Variants in CSMD1 observed in about 807,000 individuals in gnomAD.
CSMD1 encodes CUB and Sushi multiple domains 1.
In CSMD1, 213 loss-of-function variants were observed where a neutral mutation model predicts 417.5. That is an observed-to-expected ratio of 0.51 (90% CI 0.46 to 0.57). The LOEUF is 0.57. Among genes scored for constraint, CSMD1 ranks in the 20% least tolerant of loss-of-function variants. The pLI is 0.00. For synonymous variants in CSMD1, 2,862 were observed against 1,736.8 expected, an observed-to-expected ratio of 1.65 and a Z score of -16.11; for missense variants, 6,923 against 4,529.7, an observed-to-expected ratio of 1.53 and a Z score of -15.17.
intron 1 of CSMD1, among the ~76,000 whole-genome samples, chr8:4,933,894 G>C (rs1158090754): frequency 6.6e-6 from 1 of 152,068 alleles, no homozygotes; most frequent in Non-Finnish European, 1.5e-5. Flanking sequence ...ATTTCAAGTA[G>C]GGTTTTCATT....
chr8:3,242,125 T>C (rs1799576104), intron 26 of CSMD1, among the ~76,000 whole-genome samples: 2 of 151,368 alleles, frequency 1.3e-5, no homozygotes, highest in African/African-American at 2.4e-5. Context: ...TGACTATGCC[T>C]TTAGCTCCAG....
chr8:4,168,073 G>A (rs1006873884), intron 3 of CSMD1, among the ~76,000 whole-genome samples: 1 of 151,614 alleles, frequency 6.6e-6, no homozygotes, highest in Non-Finnish European at 1.5e-5. Context: ...AAGTTGTAGG[G>A]AGCTGAAATC....
intron 5 of CSMD1, among the ~76,000 whole-genome samples, chr8:3,810,554 G>A (rs1009329201): frequency 3.9e-5 from 6 of 152,138 alleles, no homozygotes; most frequent in East Asian, 1.9e-4. Flanking sequence ...GTAATCAACC[G>A]AGGGTCAGTC....
rs1007448613 is a variant in CSMD1 at position 4,939,988 on chromosome 8, G to A, written c.85+54344C>T. Among the ~76,000 whole-genome samples, 11 of 152,234 alleles carry A rather than the reference G, an allele frequency of 7.2e-5. No individual in the cohort carries two copies. The South Asian group carries it at 2.1e-3, about 29-fold the overall frequency. On this transcript the variant is annotated intron_variant, in intron 1 of 69. Transcript: ENST00000635120. ...GAAAACTTGAAAAATCTTCAGAGTA[G>A]GGTTATTGGGAAGATTGGGAAAACT... is the stretch of plus-strand genomic sequence containing the variant.
At chr8:3,128,796 A>C (rs1241833780) in intron 41 of CSMD1, 1 of 431,100 alleles carries the variant, frequency 2.3e-6, no homozygotes, top group East Asian at 7.0e-5. Flanking sequence ...TGTTGTTTCG[A>C]GTTTTTGTTT....
intron 5 of CSMD1, among the ~76,000 whole-genome samples, chr8:3,856,598 T>A (rs1454933380): frequency 6.6e-6 from 1 of 152,150 alleles, no homozygotes; most frequent in Non-Finnish European, 1.5e-5. Context: ...TAATTTGCCA[T>A]ATTTTATAGT....
chr8:4,185,753 T>G (rs181710750), intron 3 of CSMD1, among the ~76,000 whole-genome samples: 1 of 152,234 alleles, frequency 6.6e-6, no homozygotes, highest in African/African-American at 2.4e-5. Context: ...GCTATCATTT[T>G]GAGATAAAAT....
At chr8:4,484,970 G>C (rs1159020871) in intron 2 of CSMD1, among the ~76,000 whole-genome samples, 6 of 86,422 alleles carry the variant, frequency 6.9e-5, no homozygotes, top group African/African-American at 9.4e-5. Flanking sequence ...GACAGAGTGA[G>C]ACTCTGCCTC....
chr8:3,961,530 C>T (rs572635906), intron 5 of CSMD1, among the ~76,000 whole-genome samples: 16 of 151,576 alleles, frequency 1.1e-4, no homozygotes, highest in Non-Finnish European at 1.9e-4. Flanking sequence ...TTTGTGAAGA[C>T]AATAGGAAAT....
intron 1 of CSMD1, among the ~76,000 whole-genome samples, chr8:4,783,226 G>T (rs970758975): frequency 6.6e-6 from 1 of 152,166 alleles, no homozygotes; most frequent in Admixed American, 6.5e-5. Context: ...TGTATTTCGT[G>T]AAACATATCA....
At chr8:4,271,507 CAGG>C (rs919578612) in intron 3 of CSMD1, among the ~76,000 whole-genome samples, 13 of 151,616 alleles carry the variant, frequency 8.6e-5, no homozygotes, top group African/African-American at 1.7e-4. Flanking sequence ...GCATCAAAAT[CAGG>C]AGATCTAAAA....
At chr8:4,388,321 G>GACACACACACACACACACACAC (rs71205453) in intron 3 of CSMD1, among the ~76,000 whole-genome samples, 1 of 95,554 alleles carries the variant, frequency 1.0e-5, no homozygotes, top group Admixed American at 1.1e-4. Context: ...CACACACACA[G>GACACACACACACACACACACAC]ACACACACAC....
intron 6 of CSMD1, among the ~76,000 whole-genome samples, chr8:3,732,218 A>T (rs1160483575): frequency 6.6e-6 from 1 of 152,206 alleles, no homozygotes; most frequent in Non-Finnish European, 1.5e-5. Context: ...CTATCAATTT[A>T]GCAGTTTCGC....
chr8:3,268,189 A>G (rs1283356542), intron 26 of CSMD1, among the ~76,000 whole-genome samples: 1 of 151,318 alleles, frequency 6.6e-6, no homozygotes, highest in East Asian at 2.0e-4. Context: ...ATCGAATGGT[A>G]AGTTTGTTGC....
intron 3 of CSMD1, among the ~76,000 whole-genome samples, chr8:4,092,071 C>G (rs1365089148): frequency 6.6e-6 from 1 of 152,108 alleles, no homozygotes; most frequent in Non-Finnish European, 1.5e-5. Flanking sequence ...GCTAGCACTA[C>G]TTAGAAGCTT....
At chr8:4,205,497 G>C (rs145751239) in intron 3 of CSMD1, among the ~76,000 whole-genome samples, 1 of 152,054 alleles carries the variant, frequency 6.6e-6, no homozygotes, top group South Asian at 2.1e-4. Context: ...CAAGCCACTC[G>C]AGGTAACTAT....
chr8:3,913,887 C>T (rs902236655), intron 5 of CSMD1, among the ~76,000 whole-genome samples: 12 of 152,298 alleles, frequency 7.9e-5, no homozygotes, highest in East Asian at 3.9e-4. Context: ...ATTACCTCGA[C>T]TGTTTTTTGT....
intron 5 of CSMD1, among the ~76,000 whole-genome samples, chr8:3,820,876 T>G (rs980530095): frequency 6.6e-6 from 1 of 152,008 alleles, no homozygotes; most frequent in African/African-American, 2.4e-5. Flanking sequence ...CAATGCCTTC[T>G]TCGGAATACC....
At chr8:4,406,837 A>G (rs936842778) in intron 3 of CSMD1, among the ~76,000 whole-genome samples, 2 of 152,328 alleles carry the variant, frequency 1.3e-5, no homozygotes, top group African/African-American at 2.4e-5. Context: ...AGTTACAGCA[A>G]AACTATTAAA....
Sources: gnomAD v4.1 joint callset for allele counts (sites outside exome capture counted in the v4.1 genomes callset) on GRCh38, gnomAD v4.1.1 for gene constraint, MANE v1.5 for transcripts, NCBI Gene and HGNC (gene_info 2026-07-23, HGNC 2026-07-21) for gene names.